Variants in KCNQ5 observed in about 807,000 individuals in gnomAD.
KCNQ5 encodes potassium voltage-gated channel subfamily KQT member 5.
Under a neutral mutation model 98.2 loss-of-function variants are expected in KCNQ5, and 30 were observed. The ratio of observed to expected loss-of-function variants is 0.31; its 90% confidence interval spans 0.23 to 0.41. The LOEUF (loss-of-function observed/expected upper bound fraction) is 0.41, where lower values mean the gene tolerates loss of function less well. KCNQ5 is among the 10% of genes least tolerant of loss of function. KCNQ5 has a pLI of 1.00. For missense variants in KCNQ5, 835 were observed against 1,182.5 expected, an observed-to-expected ratio of 0.71 and a Z score of 4.31; for synonymous variants, 458 against 449.4, an observed-to-expected ratio of 1.02 and a Z score of -0.24.
intron 10 of KCNQ5, among the ~76,000 whole-genome samples, chr6:73,167,229 ATGTACTCTCATTCCAAC>A (rs930954077): frequency 2.6e-5 from 4 of 152,194 alleles, no homozygotes; most frequent in African/African-American, 9.7e-5. Flanking sequence ...GAGTTAATCA[ATGTACTCTCATTCCAAC>A]TGGGGCAAAT....
chr6:72,841,575 C>T (rs548042762), intron 1 of KCNQ5, among the ~76,000 whole-genome samples: 21 of 152,242 alleles, frequency 1.4e-4, no homozygotes, highest in East Asian at 1.4e-3. Context: ...CCTCCTAAAA[C>T]GAACTGTTAA....
At chr6:72,990,598 T>G (rs1274537928) in intron 1 of KCNQ5, among the ~76,000 whole-genome samples, 6 of 127,070 alleles carry the variant, frequency 4.7e-5, no homozygotes, top group African/African-American at 1.9e-4. Context: ...TCATGTCGTC[T>G]GCAAACAGGG....
At position 73,195,162 on chromosome 6, in the gene KCNQ5, T is replaced by G; in HGVS notation, c.2547T>G (p.Ser849Arg). The G allele has an allele frequency of 5.0e-6, 8 of 1,613,854 alleles. No homozygotes were observed. Among genetic ancestry groups the G allele is most frequent in the Non-Finnish European group, 5.9e-6 (7 of 1,179,960 alleles). ...TEELNIQLSGSESSGSRGSQD... is the reference protein window; with the variant it reads ...TEELNIQLSGRESSGSRGSQD... The stretch of plus-strand genomic sequence containing the variant: ...AACTGAATATACAACTTTCAGGGAG[T>G]GAGTCAAGTGGCTCCAGAGGCAGCC... Residue 849 changes from serine (S) to arginine (R), a missense_variant, in exon 14 of 14, where the codon AGT becomes AGG. By Grantham distance (110) the Ser-to-Arg change is moderately radical. Transcript: ENST00000370398.
chr6:72,832,555 G>C (rs191597040), intron 1 of KCNQ5, among the ~76,000 whole-genome samples: 1 of 152,098 alleles, frequency 6.6e-6, no homozygotes, highest in Admixed American at 6.6e-5. Context: ...ACACTGCTCT[G>C]TGTTTGCCAA....
intron 3 of KCNQ5, chr6:73,055,736 G>A: frequency 9.3e-7 from 1 of 1,071,586 alleles, no homozygotes; most frequent in Non-Finnish European, 1.4e-6. Context: ...CATTCTCATT[G>A]TCTATGAATT....
chr6:73,084,772 C>T (rs1326398999), intron 5 of KCNQ5, among the ~76,000 whole-genome samples: 1 of 152,190 alleles, frequency 6.6e-6, no homozygotes, highest in Non-Finnish European at 1.5e-5. Flanking sequence ...AGAACGGGTG[C>T]CCTTGGGTTC....
At chr6:73,094,017 CTAT>C (rs1412891777) in intron 5 of KCNQ5, among the ~76,000 whole-genome samples, 1 of 152,064 alleles carries the variant, frequency 6.6e-6, no homozygotes, top group Non-Finnish European at 1.5e-5. Flanking sequence ...AAGTCTCCCA[CTAT>C]TATTATGTTG....
intron 10 of KCNQ5, chr6:73,136,717 G>A (rs1776486979): frequency 6.6e-6 from 1 of 152,104 alleles, no homozygotes; most frequent in African/African-American, 2.4e-5. Context: ...GTTGCGTCTT[G>A]GGAAACTGGA....
intron 1 of KCNQ5, among the ~76,000 whole-genome samples, chr6:72,752,443 G>C (rs1240216170): frequency 6.6e-6 from 1 of 152,108 alleles, no homozygotes. Context: ...CCTAGGTACA[G>C]ATTTCTGCTT....
At chr6:73,178,181 T>G (rs1778285776) in intron 11 of KCNQ5, among the ~76,000 whole-genome samples, 1 of 151,992 alleles carries the variant, frequency 6.6e-6, no homozygotes. Context: ...AATCCCCAAA[T>G]TTAGTCGCCA....
chr6:73,175,919 G>T (rs911848263), intron 11 of KCNQ5, among the ~76,000 whole-genome samples: 3 of 152,164 alleles, frequency 2.0e-5, no homozygotes, highest in African/African-American at 7.2e-5. Flanking sequence ...AGATATGTAG[G>T]AACTAGCCAG....
chr6:73,120,667 A>C, intron 8 of KCNQ5, 90 bp downstream of exon 8: 1 of 755,956 alleles, frequency 1.3e-6, no homozygotes, highest in South Asian at 2.2e-5. Context: ...AAAGGTGTTA[A>C]TGTTTGGCTT....
chr6:73,167,550 T>C (rs1053945360), intron 10 of KCNQ5, among the ~76,000 whole-genome samples: 3 of 152,210 alleles, frequency 2.0e-5, no homozygotes, highest in Non-Finnish European at 4.4e-5. Flanking sequence ...TTGGTCATAA[T>C]ACCACTAACA....
chr6:72,640,260 C>G (rs1441292498), intron 1 of KCNQ5, among the ~76,000 whole-genome samples: 1 of 151,886 alleles, frequency 6.6e-6, no homozygotes. Flanking sequence ...TCGTAAACCC[C>G]TCCAAGCACC....
chr6:72,916,055 C>A (rs1227582359), intron 1 of KCNQ5, among the ~76,000 whole-genome samples: 1 of 152,050 alleles, frequency 6.6e-6, no homozygotes, highest in Admixed American at 6.6e-5. Context: ...GATAGATAAT[C>A]TTGGGGAATT....
At chr6:73,132,363 C>T (rs1776272633) in intron 9 of KCNQ5, among the ~76,000 whole-genome samples, 1 of 151,932 alleles carries the variant, frequency 6.6e-6, no homozygotes, top group African/African-American at 2.4e-5. Context: ...GTATCACCTT[C>T]TAATGAATGG....
intron 1 of KCNQ5, among the ~76,000 whole-genome samples, chr6:72,746,198 T>G (rs1291315149): frequency 1.4e-5 from 2 of 145,234 alleles, no homozygotes; most frequent in Non-Finnish European, 3.0e-5. Context: ...TGAAACTTTT[T>G]TGTAATTTTT....
At chr6:72,716,092 C>T (rs1018627863) in intron 1 of KCNQ5, among the ~76,000 whole-genome samples, 8 of 152,152 alleles carry the variant, frequency 5.3e-5, no homozygotes, top group African/African-American at 1.9e-4. Flanking sequence ...TTGTTCTTAA[C>T]TCAAATGTCA....
At chr6:73,025,681 T>C (rs1770849929) in intron 2 of KCNQ5, among the ~76,000 whole-genome samples, 1 of 149,894 alleles carries the variant, frequency 6.7e-6, no homozygotes, top group South Asian at 2.1e-4. Flanking sequence ...CGAATTCCCA[T>C]TTAAATGTAT....
Sources: gnomAD v4.1 joint callset for allele counts (sites outside exome capture counted in the v4.1 genomes callset) on GRCh38, gnomAD v4.1.1 for gene constraint, MANE v1.5 for transcripts, NCBI Gene and HGNC (gene_info 2026-07-23, HGNC 2026-07-21) for gene names.